The following LLGL1 variants were observed in gnomAD, a reference collection of about 807,000 sequenced individuals.
The protein encoded by LLGL1 is LLGL scribble cell polarity complex component 1.
LLGL1 carries 58 observed loss-of-function variants against 110.6 expected under a neutral mutation model. That is an observed-to-expected ratio of 0.52 (90% CI 0.42 to 0.65). The LOEUF (loss-of-function observed/expected upper bound fraction) is 0.65, where lower values mean the gene tolerates loss of function less well. Ranked by LOEUF, LLGL1 falls within the 30% of genes least tolerant of loss-of-function variation. The pLI, the probability that LLGL1 is intolerant of heterozygous loss-of-function variation, is 0.00. For synonymous variants in LLGL1, 674 were observed against 607.2 expected (o/e 1.11, Z -1.62); for missense variants, 1,229 against 1,462.1 (o/e 0.84, Z 2.60).
chr17:18,241,618 C>T lies in LLGL1; in HGVS notation c.2670C>T (p.Phe890=), dbSNP rs1459979225. The change falls in exon 18 of 23, where the codon TTC becomes TTT. Residue 890 remains phenylalanine (F), a synonymous_variant. Transcript: ENST00000316843. ...CLTNLGDVHV[F]SVPGLRPQVH... ...CCAACCTGGGTGACGTCCACGTCTT[C>T]TCGGTGCCTGGCCTGCGGCCCCAGG... 1 of 1,613,712 alleles carries T rather than the reference C, an allele frequency of 6.2e-7. No homozygotes were observed. Among genetic ancestry groups the T allele is most frequent in the South Asian group, 1.1e-5 (1 of 91,088 alleles).
At chr17:18,231,736 C>T (rs934984011) in intron 2 of LLGL1, among the ~76,000 whole-genome samples, 1 of 152,206 alleles carries the variant, frequency 6.6e-6, no homozygotes, top group Non-Finnish European at 1.5e-5. Context: ...TTTTGGCTCA[C>T]TGCAACCTTT....
chr17:18,234,535 T>TC, intron 7 of LLGL1, 114 bp from the exon 8 acceptor site: 1 of 1,576,040 alleles, frequency 6.3e-7, no homozygotes, highest in Non-Finnish European at 8.7e-7. Flanking sequence ...CCCGCCGACT[T>TC]CCCGGGGAGG....
At chr17:18,237,031 G>A in intron 13 of LLGL1, 92 bp downstream of exon 13, 1 of 1,159,546 alleles carries the variant, frequency 8.6e-7, no homozygotes, top group Non-Finnish European at 1.2e-6. Context: ...AGATGGACTG[G>A]CACAGGCAAA....
At chr17:18,235,789 C>T in intron 11 of LLGL1, 5 of 521,528 alleles carry the variant, frequency 9.6e-6, no homozygotes, top group Middle Eastern at 5.1e-4. Flanking sequence ...AGCCTGCCTG[C>T]CCTGGGACTG....
At chr17:18,238,362 T>A (rs1015721475) in intron 15 of LLGL1, 94 bp from the exon 16 acceptor site, 1 of 1,564,590 alleles carries the variant, frequency 6.4e-7, no homozygotes, top group Non-Finnish European at 8.7e-7. Flanking sequence ...CTAAGCTGGG[T>A]GGTAGAGGAA....
rs2047657467 is a variant in LLGL1 at position 18,234,936 on chromosome 17, G to C, written c.1003G>C (p.Asp335His). Residue 335 changes from aspartate to histidine, a missense_variant, in exon 9 of 23, where the codon GAC (aspartate) becomes CAC (histidine). Transcript: ENST00000316843. ...TCGAGCCGAGACATTGGTGACGCTG[G>C]ACTTCACTTCCCGCATCATCGACTT... is the stretch of plus-strand genomic sequence containing the variant. ...VLRAETLVTL[D>H]FTSRIIDFFT... is the part of the protein sequence containing the mutation. 1.2e-6 allele frequency: 2 copies of C among 1,614,098 alleles called. No homozygotes were observed. The highest frequency in any genetic ancestry group is 1.7e-6 in the Non-Finnish European group (2 of 1,180,014).
At chr17:18,231,508 G>A (rs745639095) in intron 2 of LLGL1, among the ~76,000 whole-genome samples, 10 of 152,200 alleles carry the variant, frequency 6.6e-5, no homozygotes, top group Admixed American at 1.3e-4. Context: ...TGGAGTTGCC[G>A]GGACTCAGGC....
rs975096590 is a variant in LLGL1 at position 18,244,246 on chromosome 17, T to C, written c.*340T>C. 1.3e-5 allele frequency: 2 copies of C among 150,634 alleles called. No homozygotes were observed. Among genetic ancestry groups the C allele is most frequent in the Non-Finnish European group, 3.0e-5 (2 of 67,636 alleles). 9.3% of individuals were successfully genotyped at this position (150,634 alleles called of 1,614,324 possible). On this transcript the variant is annotated 3_prime_UTR_variant, in exon 23 of 23. Transcript: ENST00000316843. ...CACTTTGCAGAGTATTTTTCCTTTT[T>C]TTTTTTTTTCTTAAAGACGGAGTCT...
chr17:18,235,534 C>T lies in LLGL1; in HGVS notation c.1349C>T (p.Thr450Met), dbSNP rs141275484. 10 of 1,613,404 alleles carry T rather than the reference C, an allele frequency of 6.2e-6. No homozygotes were observed. Among genetic ancestry groups the T allele is most frequent in the Admixed American group, 3.3e-5 (2 of 59,972 alleles). Residue 450 changes from threonine (T) to methionine (M), a missense_variant, in exon 11 of 23, where the codon ACG (threonine) becomes ATG (methionine). Thr to Met is a moderately conservative substitution (Grantham distance 81). Coordinates refer to ENST00000316843, the MANE Select transcript of LLGL1 (RefSeq NM_004140.4). Reference protein sequence around the residue: ...QEPSQRGLLLTGHEDGTVRFW... With the variant: ...QEPSQRGLLLMGHEDGTVRFW... ...CCGTCACAGCGAGGGCTGCTGCTGA[C>T]GGGGTAGGTGTGCGTGCTTATGTGG... is the stretch of plus-strand genomic sequence containing the variant.
At chr17:18,243,091 ATTTGTTTTGT>A (rs144502873) in intron 22 of LLGL1, among the ~76,000 whole-genome samples, 85 of 151,318 alleles carry the variant, frequency 5.6e-4, no homozygotes, top group South Asian at 2.9e-3. Flanking sequence ...ACAAGACCAG[ATTTGTTTTGT>A]TTTGTTTTGT....
chr17:18,239,593 C>G (rs910904506), intron 16 of LLGL1, among the ~76,000 whole-genome samples: 4 of 152,126 alleles, frequency 2.6e-5, no homozygotes, highest in African/African-American at 9.7e-5. Context: ...ACAGCCACTG[C>G]TCACATCATG....
chr17:18,225,718 C>T lies in LLGL1; in HGVS notation c.36C>T (p.Asp12=). ...TTCGGTTCCGGCGGCAGGGCGCCGA[C>T]CCGCAGCGCGAGAAGCTCAAGCAGG... ...MKFRFRRQGA[D]PQREKLKQEL... The change falls in exon 1 of 23, where the codon GAC becomes GAT. Residue 12 remains aspartate (D), a synonymous_variant. Coordinates refer to ENST00000316843, the MANE Select transcript of LLGL1 (RefSeq NM_004140.4). The T allele has an allele frequency of 9.4e-7, 1 of 1,062,694 alleles. No individual in the cohort carries two copies. The highest frequency in any genetic ancestry group is 8.2e-5 in the East Asian group (1 of 12,138). 65.8% of individuals were successfully genotyped at this position (1,062,694 alleles called of 1,614,324 possible). A position where few individuals can be genotyped will look rare whatever the true frequency, so the allele number is the denominator to read the frequency against.
In LLGL1 at chr17:18,240,178, G is replaced by A. The variant is rs2047795669; in HGVS notation, c.2207-400G>A. On this transcript the variant is annotated intron_variant, in intron 16 of 22. Transcript: ENST00000316843. The surrounding 1 kb of genome is among the most constrained non-coding windows in gnomAD (Gnocchi z 5.3). ...GCAAGGGGACGCAGGGGTGGAGAGA[G>A]GAGTCGGGGTCTTGTGGGGCTTGGG... 1.3e-5 allele frequency among the ~76,000 whole-genome samples: 2 copies of A among 152,276 alleles called. No homozygotes were observed. The highest frequency in any genetic ancestry group is 3.4e-3 in the Middle Eastern group (1 of 294).
chr17:18,238,443 C>A lies in LLGL1; in HGVS notation c.2053-13C>A. 1 of 1,600,866 alleles carries A rather than the reference C, an allele frequency of 6.2e-7. No individual in the cohort carries two copies. ...TGCTAGGGAGACAGTGTTCAGGAGC[C>A]CCCGCCCGGCAGTTGCAGGAAGCCA... On this transcript the variant is annotated splice_polypyrimidine_tract_variant and intron_variant, in intron 15 of 22. Coordinates refer to ENST00000316843, the MANE Select transcript of LLGL1 (RefSeq NM_004140.4).
intron 8 of LLGL1, 27 bp from the exon 9 acceptor site, chr17:18,234,811 TG>T (rs1465654544): frequency 6.2e-7 from 1 of 1,613,964 alleles, no homozygotes; most frequent in Non-Finnish European, 8.5e-7. Flanking sequence ...AAGTGGTTCA[TG>T]GCTCGCACAC....
Position 18,240,478 on chromosome 17 carries a change from G to T in LLGL1, c.2207-100G>T. Reference sequence around the variant, plus strand: ...CAGGGTGTCATAGTTAGGAAGCAGGGCTACAAGAGAGGCAGGGAGGGACCT... The same window carrying T: ...CAGGGTGTCATAGTTAGGAAGCAGGTCTACAAGAGAGGCAGGGAGGGACCT... On this transcript the variant is annotated intron_variant, in intron 16 of 22. Coordinates refer to ENST00000316843, the MANE Select transcript of LLGL1 (RefSeq NM_004140.4). This position sits in a 1 kb window ranked among gnomAD's most constrained non-coding sequence, Gnocchi z 5.3. The T allele has an allele frequency of 1.5e-6, 2 of 1,356,330 alleles. No individual in the cohort carries two copies. The highest frequency in any genetic ancestry group is 2.0e-6 in the Non-Finnish European group (2 of 1,005,582). The allele number at this position is 1,356,330 out of a possible 1,614,324, so 84.0% of individuals were successfully genotyped here. A position where few individuals can be genotyped will look rare whatever the true frequency, so the allele number is the denominator to read the frequency against.
rs984304676 is a variant in LLGL1, at chr17:18,232,565, T to C, written c.250T>C (p.Leu84=). ...DAATVTQMHF[L]TGQGRLLSLL... ...AGCCACTGTCACACAGATGCACTTC[T>C]TGACCGGCCAGGTGAGCCTCTGCTT... The change falls in exon 3 of 23, where the codon TTG becomes CTG. Residue 84 remains leucine (L), a synonymous_variant. Coordinates refer to ENST00000316843, the MANE Select transcript of LLGL1 (RefSeq NM_004140.4). The C allele has an allele frequency of 6.3e-5, 102 of 1,614,180 alleles. No homozygotes were observed. Among genetic ancestry groups the C allele is most frequent in the Middle Eastern group, 1.6e-4 (1 of 6,062 alleles).
At position 18,243,953 on chromosome 17, in the gene LLGL1, G is replaced by C. The variant is rs1200275860; in HGVS notation, c.*47G>C. ...CCTCCACCTGCCCTGCTCGGAGCTG[G>C]AGTGCTGGATCCCTGGCACCTGCCT... On this transcript the variant is annotated 3_prime_UTR_variant, in exon 23 of 23. Coordinates refer to ENST00000316843, the MANE Select transcript of LLGL1 (RefSeq NM_004140.4). 1 of 152,784 alleles carries C rather than the reference G, an allele frequency of 6.5e-6. No homozygotes were observed. The highest frequency in any genetic ancestry group is 2.4e-5 in the African/African-American group (1 of 41,470). The allele number at this position is 152,784 out of a possible 1,614,324, so 9.5% of individuals were successfully genotyped here. A position where few individuals can be genotyped will look rare whatever the true frequency, so the allele number is the denominator to read the frequency against.
Position 18,234,652 on chromosome 17 carries a change from C to T in LLGL1, c.854C>T (p.Pro285Leu). ...CTGACGCTGTCCCACCCCTCAGGCC[C>T]CTTTCCCTGCAAGGCCATTAACAAG... ...QPTVATTPYG[P>L]FPCKAINKIL... The change falls in exon 8 of 23, where the codon CCC (proline) becomes CTC (leucine). Residue 285 changes from proline (P) to leucine (L), a missense_variant. Pro to Leu is a moderately conservative substitution (Grantham distance 98, BLOSUM62 -3). Transcript: ENST00000316843. 1 of 1,614,140 alleles carries T rather than the reference C, an allele frequency of 6.2e-7. No homozygotes were observed. Among genetic ancestry groups the T allele is most frequent in the Non-Finnish European group, 8.5e-7 (1 of 1,180,022 alleles).
Sources: gnomAD v4.1 joint callset for allele counts (sites outside exome capture counted in the v4.1 genomes callset) on GRCh38, gnomAD v4.1.1 for gene constraint, Gnocchi (gnomAD v3.1) non-coding constraint, MANE v1.5 for transcripts, NCBI Gene and HGNC (gene_info 2026-07-23, HGNC 2026-07-21) for gene names.